The following RIMS2 variants were observed in gnomAD, a reference collection of about 807,000 sequenced individuals.
RIMS2 encodes regulating synaptic membrane exocytosis 2.
RIMS2 carries 59 observed loss-of-function variants against 174.4 expected under a neutral mutation model. The observed-to-expected ratio is 0.34, with a 90% CI of 0.27 to 0.42. The LOEUF is 0.42. RIMS2 is among the 10% of genes least tolerant of loss of function. RIMS2 has a pLI of 1.00. For missense variants in RIMS2, 1,620 were observed against 1,666.3 expected, an observed-to-expected ratio of 0.97 and a Z score of 0.48; for synonymous variants, 606 against 572.5, an observed-to-expected ratio of 1.06 and a Z score of -0.84.
At chr8:103,916,905 A>G (rs2076722259) in intron 8 of RIMS2, among the ~76,000 whole-genome samples, 1 of 152,166 alleles carries the variant, frequency 6.6e-6, no homozygotes, top group Non-Finnish European at 1.5e-5. Flanking sequence ...AAAGGGCCAA[A>G]GGACATACAA....
chr8:104,145,722 A>G (rs2098632538), intron 19 of RIMS2, among the ~76,000 whole-genome samples: 1 of 111,550 alleles, frequency 9.0e-6, no homozygotes, highest in Admixed American at 9.4e-5. Context: ...AATTCGCCGG[A>G]CATGGTGGTG....
intron 1 of RIMS2, among the ~76,000 whole-genome samples, chr8:103,599,724 A>G (rs2094629222): frequency 6.6e-6 from 1 of 152,070 alleles, no homozygotes; most frequent in Non-Finnish European, 1.5e-5. Flanking sequence ...TGCTGGGATT[A>G]CAGGCATGAG....
At chr8:104,181,010 C>G (rs557291073) in intron 19 of RIMS2, among the ~76,000 whole-genome samples, 3 of 151,644 alleles carry the variant, frequency 2.0e-5, no homozygotes, top group African/African-American at 7.2e-5. Flanking sequence ...ATAATTCTTT[C>G]GAAGCTATTT....
chr8:103,848,782 T>G (rs1316988369), intron 3 of RIMS2, among the ~76,000 whole-genome samples: 3 of 152,008 alleles, frequency 2.0e-5, no homozygotes, highest in Non-Finnish European at 4.4e-5. Flanking sequence ...GGACCCTCAC[T>G]TTACCATAGA....
chr8:104,090,490 T>C (rs143837643), intron 19 of RIMS2, among the ~76,000 whole-genome samples: 2 of 151,820 alleles, frequency 1.3e-5, no homozygotes, highest in Non-Finnish European at 1.5e-5. Context: ...GTTTCAGATA[T>C]GAAAGAAAAG....
chr8:103,936,922 C>T (rs1172987133), intron 13 of RIMS2, among the ~76,000 whole-genome samples, 200 bp downstream of exon 15: 4 of 152,038 alleles, frequency 2.6e-5, no homozygotes, highest in Non-Finnish European at 2.9e-5. Flanking sequence ...GGTGAAACCC[C>T]GTCTCTACTA....
At chr8:103,505,182 C>G (rs901912408) in intron 1 of RIMS2, among the ~76,000 whole-genome samples, 3 of 151,998 alleles carry the variant, frequency 2.0e-5, no homozygotes, top group Non-Finnish European at 4.4e-5. Context: ...TTTCCCCTAC[C>G]CAGAGCCAAC....
At chr8:103,975,648 C>T in intron 16 of RIMS2, 142 bp downstream of exon 18, 1 of 563,940 alleles carries the variant, frequency 1.8e-6, no homozygotes. Flanking sequence ...GACAAAGTCC[C>T]ACCATAGAAT....
At chr8:103,942,825 A>C (rs1302300200) in exon 14 of RIMS2, 1 of 1,613,002 alleles carries the variant, frequency 6.2e-7, no homozygotes, top group Non-Finnish European at 8.5e-7. Flanking sequence ...CATTGGTACA[A>C]ACTTCAGACG....
At chr8:103,670,639 A>T (rs1450717427) in intron 1 of RIMS2, among the ~76,000 whole-genome samples, 1 of 152,220 alleles carries the variant, frequency 6.6e-6, no homozygotes, top group Non-Finnish European at 1.5e-5. Context: ...TCTCTAGGGC[A>T]GGGACAAAAT....
intron 4 of RIMS2, among the ~76,000 whole-genome samples, chr8:103,909,100 A>G (rs966340868): frequency 3.3e-5 from 5 of 152,046 alleles, no homozygotes; most frequent in African/African-American, 1.2e-4. Context: ...ATCTTATTGT[A>G]TTCTTTCGTA....
At chr8:104,152,890 G>A (rs1487945128) in intron 19 of RIMS2, among the ~76,000 whole-genome samples, 2 of 152,062 alleles carry the variant, frequency 1.3e-5, no homozygotes, top group Non-Finnish European at 2.9e-5. Context: ...GTATCATAAT[G>A]ATTTCAATAT....
chr8:103,520,695 A>G (rs1054629646), intron 1 of RIMS2, among the ~76,000 whole-genome samples: 1 of 152,098 alleles, frequency 6.6e-6, no homozygotes, highest in African/African-American at 2.4e-5. Flanking sequence ...CTATGGACTT[A>G]CCATGTAGTT....
intron 3 of RIMS2, among the ~76,000 whole-genome samples, chr8:103,777,149 C>T (rs1254699745): frequency 1.3e-5 from 2 of 151,870 alleles, no homozygotes; most frequent in African/African-American, 4.8e-5. Context: ...GTAATTGATA[C>T]ATAGTGGTGC....
At chr8:103,940,946 C>G (rs1356017848) in intron 13 of RIMS2, among the ~76,000 whole-genome samples, 3 of 151,638 alleles carry the variant, frequency 2.0e-5, no homozygotes, top group African/African-American at 7.3e-5. Flanking sequence ...TTGTTAGGAG[C>G]AGAGATTCTG....
intron 19 of RIMS2, among the ~76,000 whole-genome samples, chr8:104,059,904 A>G (rs944470013): frequency 2.0e-5 from 3 of 152,210 alleles, no homozygotes; most frequent in Non-Finnish European, 4.4e-5. Context: ...CCAGCCTTGC[A>G]TCCCAGGGAT....
chr8:104,129,223 T>TAA (rs879607610), intron 19 of RIMS2, among the ~76,000 whole-genome samples: 9 of 143,256 alleles, frequency 6.3e-5, no homozygotes, highest in African/African-American at 2.3e-4. Context: ...TTGTCTCTAT[T>TAA]AAAAAAAAAA....
At chr8:104,164,146 T>G (rs2098781820) in intron 19 of RIMS2, among the ~76,000 whole-genome samples, 1 of 150,932 alleles carries the variant, frequency 6.6e-6, no homozygotes, top group Admixed American at 6.6e-5. Flanking sequence ...TCTTTTTGTC[T>G]TCCTCTTCCT....
At chr8:103,786,482 G>A (rs62530806) in intron 3 of RIMS2, among the ~76,000 whole-genome samples, 9 of 151,910 alleles carry the variant, frequency 5.9e-5, no homozygotes, top group Non-Finnish European at 1.0e-4. Context: ...CTTTGTTCTC[G>A]TTGGTTTCAA....
Sources: allele counts gnomAD v4.1 joint callset (sites outside exome capture counted in the v4.1 genomes callset), GRCh38; gene constraint gnomAD v4.1.1; transcripts MANE v1.5; gene names NCBI Gene and HGNC (gene_info 2026-07-23, HGNC 2026-07-21).